GLP1R: variants seen among roughly 807,000 people sequenced by gnomAD.
GLP1R encodes the protein glucagon-like peptide 1 receptor.
Under a neutral mutation model 68.4 loss-of-function variants are expected in GLP1R, and 32 were observed. The ratio of observed to expected loss-of-function variants is 0.47; its 90% CI spans 0.35 to 0.63. The LOEUF (loss-of-function observed/expected upper bound fraction) is 0.63. GLP1R is among the 20% of genes least tolerant of loss of function. The probability of loss-of-function intolerance (pLI) is 0.00; values close to 1 mark genes in which losing one functional copy is unlikely to be tolerated. For missense variants in GLP1R, 502 were observed against 594.9 expected (o/e 0.84, Z 1.62); for synonymous variants, 263 against 244.4 (o/e 1.08, Z -0.71).
rs569303051 is a variant in GLP1R at position 39,055,716 on chromosome 6, C to T, written c.79-681C>T. ...TTGGTTGCTGTGTCAGAGGGGAGCA[C>T]GGGGAGGGGGTGGGGGGTGCTGTGT... On this transcript the variant is annotated intron_variant, in intron 1 of 12. Coordinates refer to ENST00000373256, the MANE Select transcript of GLP1R (RefSeq NM_002062.5). Among the ~76,000 whole-genome samples, 17 of 86,902 alleles carry T rather than the reference C, an allele frequency of 2.0e-4. No homozygotes were observed. In the East Asian group the frequency reaches 4.4e-3, roughly 23 times the overall value. The allele number at this position is 86,902 out of a possible 152,430, so 57.0% of individuals were successfully genotyped here. A position where few individuals can be genotyped will look rare whatever the true frequency, so the allele number is the denominator to read the frequency against.
Position 39,049,946 on chromosome 6 carries a change from T to G in GLP1R, c.78+1028T>G, listed in dbSNP as rs1768046766. ...ACTGCTACCCCCAGACCTAAAGAAC[T>G]GAGATCTGTGGGGAGTGGACCTGAA... On this transcript the variant is annotated intron_variant, in intron 1 of 12. Transcript: ENST00000373256. This position sits in a 1 kb window ranked among gnomAD's most constrained non-coding sequence, Gnocchi z 4.5. Among the ~76,000 whole-genome samples the G allele has an allele frequency of 6.6e-6, 1 of 152,144 alleles. No homozygotes were observed. The highest frequency in any genetic ancestry group is 1.5e-5 in the Non-Finnish European group (1 of 68,028).
In GLP1R at chr6:39,086,068, A is replaced by G. The variant is rs1375037526; in HGVS notation, c.1387A>G (p.Ser463Gly). 1 of 1,613,486 alleles carries G rather than the reference A, an allele frequency of 6.2e-7. No homozygotes were observed. Among genetic ancestry groups the G allele is most frequent in the East Asian group, 2.2e-5 (1 of 44,870 alleles). ...MYTATCQASCS is the reference protein window; with the variant it reads ...MYTATCQASCG Reference sequence around the variant, plus strand: ...CACAGCCACTTGCCAGGCCTCCTGCAGCTGAGACTCCAGCGCCTGCCCTCC... The same window carrying G: ...CACAGCCACTTGCCAGGCCTCCTGCGGCTGAGACTCCAGCGCCTGCCCTCC... Residue 463 changes from serine (S) to glycine (G), a missense_variant, in exon 13 of 13, where the codon AGC (serine) becomes GGC (glycine). Physicochemically the swap from Ser to Gly is moderately conservative, Grantham distance 56. Coordinates refer to ENST00000373256, the MANE Select transcript of GLP1R (RefSeq NM_002062.5). This position sits in a 1 kb window ranked among gnomAD's most constrained non-coding sequence, Gnocchi z 4.5.
At chr6:39,068,616 A>G (rs1407375270) in intron 5 of GLP1R, among the ~76,000 whole-genome samples, 1 of 152,210 alleles carries the variant, frequency 6.6e-6, no homozygotes, top group Non-Finnish European at 1.5e-5. Flanking sequence ...TAGAGTTAGC[A>G]CCACGTGAAC....
At chr6:39,060,843 C>T (rs1020342824) in intron 3 of GLP1R, among the ~76,000 whole-genome samples, 24 of 152,174 alleles carry the variant, frequency 1.6e-4, no homozygotes, top group Non-Finnish European at 3.2e-4. Context: ...CCACTGAGAC[C>T]TTAGAGGTGT....
At chr6:39,082,494 T>C (rs1386149244) in intron 12 of GLP1R, among the ~76,000 whole-genome samples, 1 of 152,170 alleles carries the variant, frequency 6.6e-6, no homozygotes, top group Non-Finnish European at 1.5e-5. Context: ...TGGCTGCTCC[T>C]GGGACAGGTC....
intron 3 of GLP1R, among the ~76,000 whole-genome samples, chr6:39,062,837 C>A (rs1768384391): frequency 6.6e-6 from 1 of 152,222 alleles, no homozygotes; most frequent in African/African-American, 2.4e-5. Flanking sequence ...TTCATATGTA[C>A]AATGGGACTA....
intron 1 of GLP1R, among the ~76,000 whole-genome samples, chr6:39,051,897 G>C (rs868788177): frequency 6.2e-5 from 9 of 144,498 alleles, no homozygotes; most frequent in South Asian, 2.3e-4. Context: ...GTGTGTGTGG[G>C]GGGGGGGGCA....
At chr6:39,083,332 A>G (rs1221293381) in intron 12 of GLP1R, among the ~76,000 whole-genome samples, 1 of 152,206 alleles carries the variant, frequency 6.6e-6, no homozygotes, top group East Asian at 1.9e-4. Flanking sequence ...CTGGGCCACA[A>G]AAGACACATG....
In GLP1R at chr6:39,048,854, C is replaced by A; in HGVS notation, c.14C>A (p.Pro5His). The part of the protein sequence containing the change: MAGA[P>H]GPLRLALLLL... ...GAACTCCCCGCCATGGCCGGCGCCC[C>A]CGGCCCGCTGCGCCTTGCGCTGCTG... The change falls in exon 1 of 13, where the codon CCC becomes CAC. Residue 5 changes from proline (P) to histidine (H), a missense_variant. Transcript: ENST00000373256. 6.7e-7 allele frequency: 1 copy of A among 1,491,934 alleles called. No individual in the cohort carries two copies. Among genetic ancestry groups the A allele is most frequent in the Non-Finnish European group, 8.9e-7 (1 of 1,121,178 alleles). 92.4% of individuals were successfully genotyped at this position (1,491,934 alleles called of 1,614,324 possible).
At chr6:39,050,955 G>A (rs575163692) in intron 1 of GLP1R, among the ~76,000 whole-genome samples, 16 of 152,222 alleles carry the variant, frequency 1.1e-4, no homozygotes, top group African/African-American at 3.4e-4. Context: ...TCACTGTCAG[G>A]TCTCGTGAGG....
intron 1 of GLP1R, among the ~76,000 whole-genome samples, chr6:39,051,903 G>C (rs1180734035): frequency 6.7e-6 from 1 of 149,552 alleles, no homozygotes; most frequent in South Asian, 2.2e-4. Context: ...GTGGGGGGGG[G>C]GGCATCTTGG....
chr6:39,073,786 C>T lies in GLP1R; in HGVS notation c.823+17C>T, dbSNP rs1562013726. 1 of 1,612,320 alleles carries T rather than the reference C, an allele frequency of 6.2e-7. No homozygotes were observed. Among genetic ancestry groups the T allele is most frequent in the Non-Finnish European group, 8.5e-7 (1 of 1,178,688 alleles). On this transcript the variant is annotated intron_variant, in intron 7 of 12. Transcript: ENST00000373256. ...TAGGCTGGGGTAAGAACCGCCATCA[C>T]CCACCCTGGACCTGTGGCACGGGGG...
At chr6:39,068,402 G>GC (rs57248948) in intron 5 of GLP1R, among the ~76,000 whole-genome samples, 11,012 of 152,114 alleles carry the variant, frequency 0.072, 540 homozygotes, top group East Asian at 0.21. Flanking sequence ...GGAGAATCTT[G>GC]CCCCCCATGA....
intron 11 of GLP1R, among the ~76,000 whole-genome samples, chr6:39,080,010 G>A (rs1264865771): frequency 1.3e-5 from 2 of 152,170 alleles, no homozygotes; most frequent in South Asian, 2.1e-4. Flanking sequence ...CATGCATTGT[G>A]CATTTACTCC....
intron 5 of GLP1R, among the ~76,000 whole-genome samples, chr6:39,069,709 T>C (rs1221351958): frequency 6.6e-6 from 1 of 151,952 alleles, no homozygotes; most frequent in Non-Finnish European, 1.5e-5. Flanking sequence ...AGAATCACCT[T>C]GTATGGCCCA....
At chr6:39,061,576 G>GT (rs1397706911) in intron 3 of GLP1R, among the ~76,000 whole-genome samples, 3 of 152,164 alleles carry the variant, frequency 2.0e-5, no homozygotes, top group South Asian at 2.1e-4. Flanking sequence ...GCCCAAGCTT[G>GT]TCCCCAGAGG....
At chr6:39,056,537 C>A in intron 2 of GLP1R, 44 bp downstream of exon 2, 1 of 1,034,626 alleles carries the variant, frequency 9.7e-7, no homozygotes, top group Non-Finnish European at 1.5e-6. Context: ...CCCCACCCAA[C>A]CAACTTCTGG....
chr6:39,086,548 A>G lies in GLP1R; in HGVS notation c.*475A>G, dbSNP rs1769152954. On this transcript the variant is annotated 3_prime_UTR_variant, in exon 13 of 13. Coordinates refer to ENST00000373256, the MANE Select transcript of GLP1R (RefSeq NM_002062.5). The surrounding 1 kb of genome is among the most constrained non-coding windows in gnomAD (Gnocchi z 4.5). ...AGTGACGGGAGCCTCCTCTGCTTGC[A>G]TCACTTGGGGTCACCACCCTCCCCT... is the stretch of plus-strand genomic sequence containing the variant. 1 of 153,914 alleles carries G rather than the reference A, an allele frequency of 6.5e-6. No individual in the cohort carries two copies. The highest frequency in any genetic ancestry group is 1.9e-4 in the East Asian group (1 of 5,214). 9.5% of individuals were successfully genotyped at this position (153,914 alleles called of 1,614,324 possible). A position where few individuals can be genotyped will look rare whatever the true frequency, so the allele number is the denominator to read the frequency against.
chr6:39,065,639 A>T, intron 3 of GLP1R, 72 bp from the exon 4 acceptor site: 1 of 864,122 alleles, frequency 1.2e-6, no homozygotes, highest in Non-Finnish European at 1.9e-6. Flanking sequence ...ATGGGGAGGA[A>T]GGGGAGCATC....
Sources: allele counts gnomAD v4.1 joint callset (sites outside exome capture counted in the v4.1 genomes callset), GRCh38; gene constraint gnomAD v4.1.1; non-coding constraint Gnocchi (gnomAD v3.1); transcripts MANE v1.5; gene names NCBI Gene and HGNC (gene_info 2026-07-23, HGNC 2026-07-21).